C11orf71: variants seen among roughly 807,000 people sequenced by gnomAD.
C11orf71 encodes uncharacterized protein C11orf71.
For synonymous variants in C11orf71, 72 were observed against 73.4 expected (o/e 0.98, Z 0.09); for missense variants, 179 against 167.6 (o/e 1.07, Z -0.38).
chr11:114,397,859 C>T (rs1282703917), downstream of C11orf71, among the ~76,000 whole-genome samples: 2 of 152,212 alleles, frequency 1.3e-5, no homozygotes, highest in African/African-American at 4.8e-5. Flanking sequence ...CAAGTGCCCT[C>T]ATTTGCTGAT....
chr11:114,395,848 G>A (rs1946127178), downstream of C11orf71, among the ~76,000 whole-genome samples: 1 of 152,174 alleles, frequency 6.6e-6, no homozygotes, highest in African/African-American at 2.4e-5. Flanking sequence ...GTCAAGATAG[G>A]GTTGAACCTT....
rs550777310 is a variant in C11orf71, at chr11:114,399,622, T to C, written c.*338A>G. 5.3e-5 allele frequency: 12 copies of C among 224,756 alleles called. No individual in the cohort carries two copies. In the East Asian group the frequency reaches 1.1e-3, roughly 20 times the overall value. 13.9% of individuals were successfully genotyped at this position (224,756 alleles called of 1,614,324 possible). ...TCAGTGTAATAAAAAGGAGCACTTC[T>C]TTTTCGCCAACAGAAGTAAAGGTAA... On this transcript the variant is annotated 3_prime_UTR_variant, in exon 1 of 1. Coordinates refer to ENST00000623205, the MANE Select transcript of C11orf71 (RefSeq NM_001271562.2).
chr11:114,399,474 A>C lies in C11orf71; in HGVS notation c.*486T>G, dbSNP rs1278688774. The C allele has an allele frequency of 6.5e-6, 1 of 153,098 alleles. No individual in the cohort carries two copies. Among genetic ancestry groups the C allele is most frequent in the Non-Finnish European group, 1.5e-5 (1 of 68,672 alleles). The allele number at this position is 153,098 out of a possible 1,614,324, so 9.5% of individuals were successfully genotyped here. ...GATTTAATAATTTGAAAGAACTGTA[A>C]GGTTTAGGTTTTGTTCTTATTTTTA... On this transcript the variant is annotated 3_prime_UTR_variant, in exon 1 of 1. Coordinates refer to ENST00000623205, the MANE Select transcript of C11orf71 (RefSeq NM_001271562.2).
rs1418301879 is a variant in C11orf71, at chr11:114,400,490, C to A, written c.-159G>T. ...GAGCCAGAAGCCGCCTTGCCTTTAA[C>A]GAGGGGTATCCTGGCGAGCATGCGC... On this transcript the variant is annotated 5_prime_UTR_variant, in exon 1 of 1. Coordinates refer to ENST00000623205, the MANE Select transcript of C11orf71 (RefSeq NM_001271562.2). The A allele has an allele frequency of 2.4e-6, 3 of 1,272,848 alleles. No homozygotes were observed. Among genetic ancestry groups the A allele is most frequent in the African/African-American group, 3.0e-5 (2 of 66,340 alleles). 78.8% of individuals were successfully genotyped at this position (1,272,848 alleles called of 1,614,324 possible). A position where few individuals can be genotyped will look rare whatever the true frequency, so the allele number is the denominator to read the frequency against.
chr11:114,397,579 C>A (rs914584077), downstream of C11orf71, among the ~76,000 whole-genome samples: 9 of 152,306 alleles, frequency 5.9e-5, no homozygotes, highest in African/African-American at 1.9e-4. Context: ...ACTGCACATA[C>A]ACTATTATTC....
chr11:114,400,174 G>A lies in C11orf71; in HGVS notation c.158C>T (p.Pro53Leu). 6.2e-7 allele frequency: 1 copy of A among 1,613,816 alleles called. No individual in the cohort carries two copies. Among genetic ancestry groups the A allele is most frequent in the Non-Finnish European group, 8.5e-7 (1 of 1,179,864 alleles). Reference protein sequence around the residue: ...VSRPEAIHLGPRQAVRPSVRA... With the variant: ...VSRPEAIHLGLRQAVRPSVRA... ...AACGCTTGGTCGCACCGCCTGCCGAGGTCCTAGATGAATCGCTTCAGGCCT... is the reference window on the plus strand; with the variant it reads ...AACGCTTGGTCGCACCGCCTGCCGAAGTCCTAGATGAATCGCTTCAGGCCT... The change falls in exon 1 of 1, where the codon CCT becomes CTT. Residue 53 changes from proline (P) to leucine (L), a missense_variant. Transcript: ENST00000623205.
downstream of C11orf71, among the ~76,000 whole-genome samples, chr11:114,395,924 T>C (rs1389491382): frequency 6.6e-6 from 1 of 152,046 alleles, no homozygotes; most frequent in African/African-American, 2.4e-5. Flanking sequence ...TTAGAAAGAG[T>C]CTCCCTCTGT....
rs532200128 is a variant in C11orf71, at chr11:114,399,651, T to C, written c.*309A>G. On this transcript the variant is annotated 3_prime_UTR_variant, in exon 1 of 1. Coordinates refer to ENST00000623205, the MANE Select transcript of C11orf71 (RefSeq NM_001271562.2). Reference sequence around the variant, plus strand: ...TCGCCAACAGAAGTAAAGGTAAAGGTTAAGTGTCTGAGTTAACGAATGGAT... The same window carrying C: ...TCGCCAACAGAAGTAAAGGTAAAGGCTAAGTGTCTGAGTTAACGAATGGAT... 2 of 302,088 alleles carry C rather than the reference T, an allele frequency of 6.6e-6. No homozygotes were observed. The highest frequency in any genetic ancestry group is 1.2e-5 in the Non-Finnish European group (2 of 161,766). The allele number at this position is 302,088 out of a possible 1,614,324, so 18.7% of individuals were successfully genotyped here.
In C11orf71 at chr11:114,400,065, G is replaced by C; in HGVS notation, c.267C>G (p.Phe89Leu). Reference sequence around the variant, plus strand: ...CAACGGCAGGGATTGGGTAAGGTGAGAATCTGGCTTGGCGGCTCCGGCCCC... The same window carrying C: ...CAACGGCAGGGATTGGGTAAGGTGACAATCTGGCTTGGCGGCTCCGGCCCC... ...DGRGRSRQAR[F>L]SPYPIPAVEP... The change falls in exon 1 of 1, where the codon TTC (phenylalanine) becomes TTG (leucine). Residue 89 changes from phenylalanine to leucine, a missense_variant. Phe to Leu is a conservative substitution (Grantham distance 22). Coordinates refer to ENST00000623205, the MANE Select transcript of C11orf71 (RefSeq NM_001271562.2). 6.2e-7 allele frequency: 1 copy of C among 1,614,072 alleles called. No homozygotes were observed. Among genetic ancestry groups the C allele is most frequent in the South Asian group, 1.1e-5 (1 of 91,088 alleles).
In C11orf71 at chr11:114,399,859, A is replaced by G. The variant is rs1486282868; in HGVS notation, c.*101T>C. On this transcript the variant is annotated 3_prime_UTR_variant, in exon 1 of 1. Transcript: ENST00000623205. ...ACTCCCACGTATTAAATGAAAATAC[A>G]TCCATCTAAAAATAAAACAACACGA... 1 of 1,401,186 alleles carries G rather than the reference A, an allele frequency of 7.1e-7. No individual in the cohort carries two copies. The highest frequency in any genetic ancestry group is 9.4e-7 in the Non-Finnish European group (1 of 1,062,412). The allele number at this position is 1,401,186 out of a possible 1,614,324, so 86.8% of individuals were successfully genotyped here.
At chr11:114,391,624 C>G in exon 2 of C11orf71, 6 of 1,537,412 alleles carry the variant, frequency 3.9e-6, no homozygotes, top group Non-Finnish European at 5.3e-6. Context: ...CATCTTAAAT[C>G]AGGGGTTGCA....
At chr11:114,392,537 A>AAG in intron 1 of C11orf71, among the ~76,000 whole-genome samples, 1 of 146,300 alleles carries the variant, frequency 6.8e-6, no homozygotes, top group South Asian at 2.1e-4. Context: ...GACAAAAAAA[A>AAG]AAAAAAAAAA....
chr11:114,399,698 C>T lies in C11orf71; in HGVS notation c.*262G>A. ...GGATTGTTGACCTCTGGGGAGGGTG[C>T]TCCCATCAGCTCAGCTTTGTGACGA... On this transcript the variant is annotated 3_prime_UTR_variant, in exon 1 of 1. Transcript: ENST00000623205. 1 of 453,028 alleles carries T rather than the reference C, an allele frequency of 2.2e-6. No individual in the cohort carries two copies. Among genetic ancestry groups the T allele is most frequent in the East Asian group, 3.6e-5 (1 of 27,470 alleles). 28.1% of individuals were successfully genotyped at this position (453,028 alleles called of 1,614,324 possible).
chr11:114,394,294 T>TTTCTTTTCTTTTCTTTTCTTTTCTC (rs1591192951), downstream of C11orf71, among the ~76,000 whole-genome samples: 21 of 41,762 alleles, frequency 5.0e-4, 1 homozygote, highest in African/African-American at 1.4e-3. Context: ...TTTCTCTTAT[T>TTTCTTTTCTTTTCTTTTCTTTTCTC]TTCTTTTCTT....
intron 1 of C11orf71, chr11:114,391,676 C>A: frequency 7.9e-7 from 1 of 1,270,278 alleles, no homozygotes; most frequent in South Asian, 1.4e-5. Flanking sequence ...CTAAAATACA[C>A]AAAATGGATG....
rs115319412 is a variant in C11orf71 at position 114,393,336 on chromosome 11, C to T, written c.344-1671G>A. 3.1e-3 allele frequency among the ~76,000 whole-genome samples: 467 copies of T among 152,306 alleles called. 4 individuals carry two copies. The highest frequency in any genetic ancestry group is 0.01 in the African/African-American group (431 of 41,572). On this transcript the variant is annotated intron_variant, in intron 1 of 1. Coordinates refer to the C11orf71 transcript ENST00000325636. The stretch of plus-strand genomic sequence containing the variant: ...TCTAACAGTGTCTTTTAGACCTGGA[C>T]ATAAGTGCAAAGAATATGTTCACAA...
At chr11:114,394,667 C>A (rs1250222441), downstream of C11orf71, among the ~76,000 whole-genome samples, 1 of 152,016 alleles carries the variant, frequency 6.6e-6, no homozygotes, top group African/African-American at 2.4e-5. Context: ...CTCGGCCTCC[C>A]AAAGTGCTGG....
At chr11:114,396,416 T>C (rs1946131668), downstream of C11orf71, among the ~76,000 whole-genome samples, 1 of 152,218 alleles carries the variant, frequency 6.6e-6, no homozygotes, top group Non-Finnish European at 1.5e-5. Context: ...CTAGTGAAAG[T>C]TCTGTAGAAT....
chr11:114,400,492 A>AG lies in C11orf71; in HGVS notation c.-162dup, dbSNP rs1946180069. 1 of 1,270,288 alleles carries AG rather than the reference A, an allele frequency of 7.9e-7. No individual in the cohort carries two copies. The highest frequency in any genetic ancestry group is 1.1e-6 in the Non-Finnish European group (1 of 933,990). The allele number at this position is 1,270,288 out of a possible 1,614,324, so 78.7% of individuals were successfully genotyped here. A position where few individuals can be genotyped will look rare whatever the true frequency, so the allele number is the denominator to read the frequency against. On this transcript the variant is annotated 5_prime_UTR_variant, in exon 1 of 1. It introduces an in-frame stop codon into an upstream open reading frame of the 5' UTR. Coordinates refer to ENST00000623205, the MANE Select transcript of C11orf71 (RefSeq NM_001271562.2). Reference sequence around the variant, plus strand: ...GCCAGAAGCCGCCTTGCCTTTAACGAGGGGTATCCTGGCGAGCATGCGCAG... The same window carrying AG: ...GCCAGAAGCCGCCTTGCCTTTAACGAGGGGGTATCCTGGCGAGCATGCGCAG...
Sources: gnomAD v4.1 joint callset for allele counts (sites outside exome capture counted in the v4.1 genomes callset) on GRCh38, gnomAD v4.1.1 for gene constraint, MANE v1.5 for transcripts, NCBI Gene and HGNC (gene_info 2026-07-23, HGNC 2026-07-21) for gene names.